Variants in MYO16 observed in about 807,000 individuals in gnomAD.
MYO16 encodes myosin XVI, also known as unconventional myosin-XVI.
A neutral mutation model predicts 205.3 loss-of-function variants in MYO16; 94 were observed. The ratio of observed to expected loss-of-function variants is 0.46; its 90% confidence interval spans 0.39 to 0.54. MYO16 has a LOEUF of 0.54. Ranked by LOEUF, MYO16 falls within the 20% of genes least tolerant of loss-of-function variation. MYO16 has a pLI of 0.00. For missense variants in MYO16, 2,315 were observed against 2,387.5 expected (o/e 0.97, Z 0.63); for synonymous variants, 988 against 954.0 (o/e 1.04, Z -0.66).
At chr13:109,191,406 A>G (rs1177640111) in intron 34 of MYO16, among the ~76,000 whole-genome samples, 1 of 152,180 alleles carries the variant, frequency 6.6e-6, no homozygotes, top group African/African-American at 2.4e-5. Context: ...AATATGTAAT[A>G]CACTAAAAGG....
intron 1 of MYO16, among the ~76,000 whole-genome samples, chr13:108,653,775 A>C (rs906216112): frequency 1.3e-5 from 2 of 150,862 alleles, no homozygotes; most frequent in Admixed American, 6.6e-5. Flanking sequence ...ACACACATGC[A>C]TATATATACA....
chr13:109,053,339 C>T (rs930826774), intron 25 of MYO16, among the ~76,000 whole-genome samples: 8 of 151,884 alleles, frequency 5.3e-5, no homozygotes, highest in Admixed American at 2.0e-4. Flanking sequence ...GTGTGTGCTC[C>T]AGCCAGTGGC....
intron 2 of MYO16, among the ~76,000 whole-genome samples, chr13:108,700,187 G>T (rs774495809): frequency 6.6e-6 from 1 of 151,990 alleles, no homozygotes; most frequent in East Asian, 1.9e-4. Flanking sequence ...ACAAAAATTA[G>T]CCGGGTGTGG....
rs7988053 is a variant in MYO16 at position 108,775,022 on chromosome 13, C to A, written c.508-10613C>A. ...TCCTGTATTATGAAGTAAGTTTAGG[C>A]TTGGATATTTGTTTTATATTGAAAA... On this transcript the variant is annotated intron_variant, in intron 4 of 34. Transcript: ENST00000457511. Among the ~76,000 whole-genome samples the A allele has an allele frequency of 3.6e-3, 555 of 152,078 alleles. 6 individuals are homozygous for A. Among genetic ancestry groups the A allele is most frequent in the African/African-American group, 0.013 (522 of 41,464 alleles).
At chr13:108,943,994 G>T (rs1275057507) in intron 16 of MYO16, among the ~76,000 whole-genome samples, 3 of 152,224 alleles carry the variant, frequency 2.0e-5, no homozygotes, top group Non-Finnish European at 4.4e-5. Flanking sequence ...AAGTGAGAAG[G>T]ACATTTAGAA....
intron 16 of MYO16, among the ~76,000 whole-genome samples, chr13:108,917,626 G>A (rs185411098): frequency 3.9e-5 from 6 of 152,228 alleles, no homozygotes; most frequent in South Asian, 2.1e-4. Context: ...ACTTTGATTC[G>A]TATGGATGTT....
At position 108,811,691 on chromosome 13, in the gene MYO16, C is replaced by T. The variant is rs373893759; in HGVS notation, c.867+4887C>T. On this transcript the variant is annotated intron_variant, in intron 7 of 34. Transcript: ENST00000457511. Reference sequence around the variant, plus strand: ...CCTAACAGAACACTGAGCCTACAAACTCCTACCCAGTGGACTGTGTCGAGA... The same window carrying T: ...CCTAACAGAACACTGAGCCTACAAATTCCTACCCAGTGGACTGTGTCGAGA... Among the ~76,000 whole-genome samples the T allele has an allele frequency of 1.3e-3, 201 of 152,286 alleles. 1 individual carries two copies. Among genetic ancestry groups the T allele is most frequent in the African/African-American group, 4.7e-3 (196 of 41,570 alleles).
the MYO16 span, among the ~76,000 whole-genome samples, chr13:108,501,430 C>T: frequency 1.3e-5 from 2 of 152,194 alleles, no homozygotes; most frequent in African/African-American, 4.8e-5. Flanking sequence ...TCATCTGCTT[C>T]TCCCTTCCAT....
rs1248455151 is a variant in MYO16 at position 108,677,480 on chromosome 13, G to A, written c.292+11331G>A. On this transcript the variant is annotated intron_variant, in intron 2 of 34. Coordinates refer to ENST00000457511, the MANE Select transcript of MYO16 (RefSeq NM_001198950.3). ...TACATATATGTACCTATGTATATAT[G>A]ATATATATGTATATATACTTACATA... Among the ~76,000 whole-genome samples the A allele has an allele frequency of 2.7e-5, 4 of 150,412 alleles. No individual in the cohort carries two copies. In the Admixed American group the frequency reaches 2.7e-4, roughly 10 times the overall value.
At chr13:108,973,863 T>C (rs560018710) in intron 20 of MYO16, among the ~76,000 whole-genome samples, 1 of 152,288 alleles carries the variant, frequency 6.6e-6, no homozygotes, top group South Asian at 2.1e-4. Flanking sequence ...GTGAGACTTG[T>C]TATCTTTACT....
chr13:108,631,473 G>T (rs1879978874), intron 1 of MYO16, among the ~76,000 whole-genome samples: 1 of 152,180 alleles, frequency 6.6e-6, no homozygotes, highest in African/African-American at 2.4e-5. Flanking sequence ...GTCAATTGGA[G>T]CCTGTGAGAT....
At chr13:108,692,950 C>G (rs1306063900) in intron 2 of MYO16, among the ~76,000 whole-genome samples, 1 of 152,128 alleles carries the variant, frequency 6.6e-6, no homozygotes, top group Non-Finnish European at 1.5e-5. Context: ...TAAAGCCACT[C>G]TCACGACTAC....
chr13:108,982,601 T>A (rs578228854), intron 20 of MYO16, among the ~76,000 whole-genome samples: 13 of 152,330 alleles, frequency 8.5e-5, no homozygotes, highest in Non-Finnish European at 1.3e-4. Flanking sequence ...AATTGGGTTT[T>A]AATTTTTTAA....
At chr13:109,159,826 G>A (rs563032810) in intron 32 of MYO16, among the ~76,000 whole-genome samples, 20 of 152,344 alleles carry the variant, frequency 1.3e-4, no homozygotes, top group African/African-American at 4.1e-4. Flanking sequence ...AGGCAAGACC[G>A]AGGCCAAGGC....
intron 23 of MYO16, among the ~76,000 whole-genome samples, chr13:109,028,938 G>GT (rs1886456433): frequency 6.6e-6 from 1 of 151,478 alleles, no homozygotes; most frequent in South Asian, 2.1e-4. Flanking sequence ...TAAAAATAGC[G>GT]TATCTCTATC....
rs143559009 is a variant in MYO16 at position 108,989,356 on chromosome 13, T to A, written c.2370-3020T>A. Reference sequence around the variant, plus strand: ...GAAATATTTGCTGGTTATAAAAATATATGTTTCAATATAGAAACCTTAGAA... The same window carrying A: ...GAAATATTTGCTGGTTATAAAAATAAATGTTTCAATATAGAAACCTTAGAA... On this transcript the variant is annotated intron_variant, in intron 20 of 34. Coordinates refer to ENST00000457511, the MANE Select transcript of MYO16 (RefSeq NM_001198950.3). Among the ~76,000 whole-genome samples, 774 of 152,310 alleles carry A rather than the reference T, an allele frequency of 5.1e-3. 10 individuals carry two copies. The highest frequency in any genetic ancestry group is 0.018 in the African/African-American group (738 of 41,576).
intron 23 of MYO16, among the ~76,000 whole-genome samples, chr13:109,042,935 T>C (rs1886927307): frequency 6.6e-6 from 1 of 152,238 alleles, no homozygotes; most frequent in African/African-American, 2.4e-5. Flanking sequence ...TGTATGTGGA[T>C]GTTAAATGCA....
chr13:108,951,966 C>T (rs954784153), intron 16 of MYO16, among the ~76,000 whole-genome samples: 4 of 151,978 alleles, frequency 2.6e-5, no homozygotes, highest in Admixed American at 6.6e-5. Flanking sequence ...ATTCGCCAGA[C>T]GTGGTGGTGG....
At chr13:108,798,680 C>A (rs1235019257) in intron 6 of MYO16, among the ~76,000 whole-genome samples, 1 of 146,880 alleles carries the variant, frequency 6.8e-6, no homozygotes. Flanking sequence ...CATCTGGCCC[C>A]GAGGCTTATT....
Sources: gnomAD v4.1 joint callset for allele counts (sites outside exome capture counted in the v4.1 genomes callset) on GRCh38, gnomAD v4.1.1 for gene constraint, MANE v1.5 for transcripts, NCBI Gene and HGNC (gene_info 2026-07-23, HGNC 2026-07-21) for gene names.